CALN1: variants seen among roughly 807,000 people sequenced by gnomAD.
The protein encoded by CALN1 is calneuron 1, also known as calcium-binding protein 8.
In CALN1, 17 loss-of-function variants were observed where a neutral mutation model predicts 30.6. The ratio of observed to expected loss-of-function variants is 0.56; its 90% CI spans 0.38 to 0.83. The LOEUF is 0.83. Ranked by LOEUF, CALN1 falls within the 40% of genes least tolerant of loss-of-function variation. CALN1 has a pLI of 0.00. For missense variants in CALN1, 291 were observed against 354.9 expected (o/e 0.82, Z 1.45); for synonymous variants, 156 against 131.4 (o/e 1.19, Z -1.28).
At chr7:72,473,437 G>A in the CALN1 span, among the ~76,000 whole-genome samples, 8 of 152,140 alleles carry the variant, frequency 5.3e-5, no homozygotes, top group East Asian at 1.5e-3. Flanking sequence ...AATCGCTCCA[G>A]TCTTTCCAGT....
At chr7:72,263,715 C>T (rs541186028) in intron 3 of CALN1, among the ~76,000 whole-genome samples, 1 of 152,266 alleles carries the variant, frequency 6.6e-6, no homozygotes, top group East Asian at 1.9e-4. Context: ...CATGCCCAGC[C>T]TAATGAGCTC....
At chr7:71,990,458 A>C (rs1395438249) in intron 5 of CALN1, among the ~76,000 whole-genome samples, 1 of 151,872 alleles carries the variant, frequency 6.6e-6, no homozygotes, top group African/African-American at 2.4e-5. Flanking sequence ...CCATTCTTTA[A>C]TTCATTTACT....
At chr7:72,234,864 G>T (rs1348479413) in intron 3 of CALN1, among the ~76,000 whole-genome samples, 1 of 152,102 alleles carries the variant, frequency 6.6e-6, no homozygotes, top group East Asian at 1.9e-4. Context: ...CTTAATTATG[G>T]GTGGAAAGCA....
intron 4 of CALN1, among the ~76,000 whole-genome samples, chr7:72,074,186 T>C (rs529452479): frequency 5.9e-5 from 9 of 152,318 alleles, no homozygotes; most frequent in South Asian, 2.1e-4. Flanking sequence ...GGTTGATTAA[T>C]TGAGAAAGCG....
rs116038982 is a variant in CALN1, at chr7:72,149,086, A to G, written c.245-42792T>C. On this transcript the variant is annotated intron_variant, in intron 3 of 6. Transcript: ENST00000395275. Reference sequence around the variant, plus strand: ...TGCTGGTTTCCCTTCACCTTCTGCCATAAGTATAAGCTCCCTGAGTCCTCT... The same window carrying G: ...TGCTGGTTTCCCTTCACCTTCTGCCGTAAGTATAAGCTCCCTGAGTCCTCT... Among the ~76,000 whole-genome samples, 1,129 of 152,180 alleles carry G rather than the reference A, an allele frequency of 7.4e-3. 12 individuals are homozygous for G. Among genetic ancestry groups the G allele is most frequent in the African/African-American group, 0.026 (1,093 of 41,518 alleles).
intron 4 of CALN1, among the ~76,000 whole-genome samples, chr7:72,102,070 C>T (rs1806709141): frequency 6.6e-6 from 1 of 152,126 alleles, no homozygotes; most frequent in Non-Finnish European, 1.5e-5. Context: ...CTCTTTGTCA[C>T]CCAGGCTGGA....
the CALN1 span, among the ~76,000 whole-genome samples, chr7:72,483,280 C>CTTTTTTTT: frequency 1.2e-4 from 12 of 100,116 alleles, no homozygotes; most frequent in African/African-American, 1.8e-4. Flanking sequence ...TTTTCTTTTT[C>CTTTTTTTT]TTTTTTTTTT....
At chr7:72,140,477 C>G (rs147443782) in intron 3 of CALN1, among the ~76,000 whole-genome samples, 1 of 152,130 alleles carries the variant, frequency 6.6e-6, no homozygotes, top group Non-Finnish European at 1.5e-5. Context: ...TTTTAGCACA[C>G]GCAGCTCTAC....
At chr7:71,978,554 A>T (rs376660384) in intron 5 of CALN1, among the ~76,000 whole-genome samples, 4 of 152,150 alleles carry the variant, frequency 2.6e-5, no homozygotes, top group African/African-American at 9.7e-5. Flanking sequence ...GATTACAGGC[A>T]TGAATTCTTT....
chr7:72,326,237 A>T (rs1185951290), intron 2 of CALN1, among the ~76,000 whole-genome samples: 1 of 152,180 alleles, frequency 6.6e-6, no homozygotes, highest in African/African-American at 2.4e-5. Flanking sequence ...TTACAAACTC[A>T]GATCCTGATC....
At chr7:72,444,907 C>CTTGTAAG (rs1386040805) in intron 1 of CALN1, among the ~76,000 whole-genome samples, 2 of 152,134 alleles carry the variant, frequency 1.3e-5, no homozygotes, top group Non-Finnish European at 2.9e-5. Context: ...AAAGGCCATG[C>CTTGTAAG]CTTTCCCACC....
At chr7:72,384,063 T>C (rs1020920200) in intron 2 of CALN1, among the ~76,000 whole-genome samples, 1 of 152,208 alleles carries the variant, frequency 6.6e-6, no homozygotes, top group African/African-American at 2.4e-5. Context: ...TGCCCATCAA[T>C]AATAATCCCC....
intron 2 of CALN1, among the ~76,000 whole-genome samples, chr7:72,362,581 T>C (rs759730448): frequency 5.0e-4 from 76 of 152,180 alleles, no homozygotes; most frequent in African/African-American, 1.7e-3. Context: ...TGATTCTCCA[T>C]GGTGGCCTGG....
intron 3 of CALN1, among the ~76,000 whole-genome samples, chr7:72,145,378 C>T (rs1024734128): frequency 3.3e-5 from 5 of 152,006 alleles, no homozygotes; most frequent in South Asian, 2.1e-4. Context: ...TAGAAGAAAT[C>T]GATAAATTCC....
At chr7:72,285,761 T>C (rs1051816866) in intron 2 of CALN1, among the ~76,000 whole-genome samples, 3 of 152,230 alleles carry the variant, frequency 2.0e-5, no homozygotes, top group African/African-American at 2.4e-5. Context: ...TTAAGATTTC[T>C]TAAAAGTCTT....
At chr7:72,202,635 T>C (rs1021632610) in intron 3 of CALN1, among the ~76,000 whole-genome samples, 1 of 152,200 alleles carries the variant, frequency 6.6e-6, no homozygotes, top group Non-Finnish European at 1.5e-5. Flanking sequence ...GGGGAAGGGT[T>C]AGAAACCCAA....
chr7:72,360,520 A>C (rs963162038), intron 2 of CALN1, among the ~76,000 whole-genome samples: 1 of 151,906 alleles, frequency 6.6e-6, no homozygotes, highest in African/African-American at 2.4e-5. Context: ...CAAACTGGCA[A>C]CATTGGATGT....
At chr7:72,363,676 T>C (rs1222379006) in intron 2 of CALN1, among the ~76,000 whole-genome samples, 1 of 151,702 alleles carries the variant, frequency 6.6e-6, no homozygotes, top group African/African-American at 2.4e-5. Context: ...GAATATGTAG[T>C]AGCTAAATGT....
chr7:71,938,592 C>T (rs1795965728), intron 5 of CALN1, among the ~76,000 whole-genome samples: 1 of 151,834 alleles, frequency 6.6e-6, no homozygotes, highest in African/African-American at 2.4e-5. Context: ...GTCAGGAGTT[C>T]GAGACCAGCC....
Sources: allele counts gnomAD v4.1 joint callset (sites outside exome capture counted in the v4.1 genomes callset), GRCh38; gene constraint gnomAD v4.1.1; transcripts MANE v1.5; gene names NCBI Gene and HGNC (gene_info 2026-07-23, HGNC 2026-07-21).